Variants in FAT2 observed in about 807,000 individuals in gnomAD.
FAT2 encodes protocadherin Fat 2.
FAT2 carries 150 observed loss-of-function variants against 295.3 expected under a neutral mutation model. The observed-to-expected ratio is 0.51, with a 90% CI of 0.44 to 0.58. The LOEUF (loss-of-function observed/expected upper bound fraction) is 0.58. Among genes scored for constraint, FAT2 ranks in the 20% least tolerant of loss-of-function variants. The pLI is 0.00. For synonymous variants in FAT2, 2,026 were observed against 2,150.3 expected (o/e 0.94, Z 1.60); for missense variants, 4,868 against 5,442.7 (o/e 0.89, Z 3.32).
intron 20 of FAT2, among the ~76,000 whole-genome samples, chr5:151,513,186 A>G (rs1341854123): frequency 2.6e-5 from 4 of 152,268 alleles, no homozygotes; most frequent in South Asian, 2.1e-4. Flanking sequence ...GCTATCTTCT[A>G]TTAAGCCAGG....
rs368278070 is a variant in FAT2, at chr5:151,566,537, G to T, written c.2395C>A (p.Gln799Lys). The T allele has an allele frequency of 8.5e-5, 137 of 1,613,922 alleles. 1 individual carries two copies. The highest frequency in any genetic ancestry group is 8.2e-4 in the Middle Eastern group (5 of 6,084). Residue 799 changes from glutamine (Q) to lysine (K), a missense_variant, in exon 2 of 24, where the codon CAG (glutamine) becomes AAG (lysine). Coordinates refer to ENST00000261800, the MANE Select transcript of FAT2 (RefSeq NM_001447.3). ...NVTVYDLGTP[Q>K]KSSWKLLTVN... is the part of the protein sequence containing the mutation. The stretch of plus-strand genomic sequence containing the variant: ...GTCAGCAGCTTCCAGGAGGACTTCT[G>T]GGGTGTGCCCAGGTCATATACTGTT...
At chr5:151,520,385 G>T (rs902389648) in intron 19 of FAT2, among the ~76,000 whole-genome samples, 1 of 152,210 alleles carries the variant, frequency 6.6e-6, no homozygotes, top group African/African-American at 2.4e-5. Flanking sequence ...GCCTTCATTG[G>T]AAGCTGTACA....
chr5:151,554,962 A>G (rs1348332069), intron 4 of FAT2, among the ~76,000 whole-genome samples: 1 of 152,194 alleles, frequency 6.6e-6, no homozygotes, highest in Non-Finnish European at 1.5e-5. Flanking sequence ...CTCAGAGACT[A>G]CCTACTTTTT....
At chr5:151,513,278 A>G (rs1020758384) in intron 20 of FAT2, among the ~76,000 whole-genome samples, 3 of 152,264 alleles carry the variant, frequency 2.0e-5, no homozygotes, top group Admixed American at 6.5e-5. Flanking sequence ...ATAAAAATAT[A>G]TAAAGACATA....
intron 1 of FAT2, among the ~76,000 whole-genome samples, chr5:151,590,867 T>C (rs1759371548): frequency 6.6e-6 from 1 of 152,228 alleles, no homozygotes; most frequent in South Asian, 2.1e-4. Flanking sequence ...AGAATCCAAC[T>C]TTCCACGTGT....
At position 151,543,967 on chromosome 5, in the gene FAT2, T is replaced by C. The variant is rs773009222; in HGVS notation, c.7160A>G (p.Asn2387Ser). 39 of 1,613,994 alleles carry C rather than the reference T, an allele frequency of 2.4e-5. No individual in the cohort carries two copies. The highest frequency in any genetic ancestry group is 2.0e-4 in the Admixed American group (12 of 59,994). ...TCCACAGGTTGCCAGTTCACTGACA[T>C]TGGCTTCATATTGAGGTTGTCTGAA... ...PEFRQPQYEA[N>S]VSELATCGHL... The change falls in exon 10 of 24, where the codon AAT (asparagine) becomes AGT (serine). Residue 2387 changes from asparagine (N) to serine (S), a missense_variant. Coordinates refer to ENST00000261800, the MANE Select transcript of FAT2 (RefSeq NM_001447.3).
At chr5:151,509,995 T>A in intron 22 of FAT2, 26 bp downstream of exon 22, 1 of 1,609,896 alleles carries the variant, frequency 6.2e-7, no homozygotes, top group Non-Finnish European at 8.5e-7. Context: ...AAGGAGCCCA[T>A]GGCAGGTGGC....
chr5:151,581,676 T>G (rs1301832697), intron 1 of FAT2, among the ~76,000 whole-genome samples: 1 of 152,214 alleles, frequency 6.6e-6, no homozygotes, highest in African/African-American at 2.4e-5. Flanking sequence ...TAACTGAGAC[T>G]CAGAGAGGTT....
intron 9 of FAT2, among the ~76,000 whole-genome samples, chr5:151,546,707 AC>A (rs1561856888): frequency 6.6e-6 from 1 of 151,658 alleles, no homozygotes; most frequent in Non-Finnish European, 1.5e-5. Flanking sequence ...AGAATTTTTA[AC>A]CATCTTTTGT....
At chr5:151,570,505 C>G (rs1383458438) in intron 1 of FAT2, among the ~76,000 whole-genome samples, 1 of 152,228 alleles carries the variant, frequency 6.6e-6, no homozygotes, top group East Asian at 1.9e-4. Flanking sequence ...CTTCGCCTCT[C>G]TTAGACCCTT....
chr5:151,531,799 G>A lies in FAT2; in HGVS notation c.9599C>T (p.Thr3200Met), dbSNP rs1416807728. ...CACCGAGACTGTGACGGTGCCCAGC[G>A]TGGACAGCGGTATTGGGGTGCCCAG... is the stretch of plus-strand genomic sequence containing the variant. ...SDLGTPIPLS[T>M]LGTVTVSVVG... is the part of the protein sequence containing the mutation. Residue 3200 changes from threonine (T) to methionine (M), a missense_variant, in exon 14 of 24, where the codon ACG becomes ATG. By Grantham distance (81) the Thr-to-Met change is moderately conservative. This residue lies in a region of FAT2 where 1,046 missense variants were observed against 1,210.1 expected (regional missense o/e 0.86). Coordinates refer to ENST00000261800, the MANE Select transcript of FAT2 (RefSeq NM_001447.3). This position sits in a 1 kb window ranked among gnomAD's most constrained non-coding sequence, Gnocchi z 5.7. 1.2e-6 allele frequency: 2 copies of A among 1,613,190 alleles called. No homozygotes were observed. The highest frequency in any genetic ancestry group is 2.7e-5 in the African/African-American group (2 of 75,044).
chr5:151,553,328 C>T lies in FAT2; in HGVS notation c.4005G>A (p.Glu1335=), dbSNP rs373732808. The change falls in exon 6 of 24, where the codon GAG becomes GAA. Residue 1335 remains glutamate (E), a synonymous_variant. Transcript: ENST00000261800. Reference sequence around the variant, plus strand: ...AGGACGGCCGGGGCCAAGGGATCCACTCAATGTGTAGCCGGACACTGGCTG... The same window carrying T: ...AGGACGGCCGGGGCCAAGGGATCCATTCAATGTGTAGCCGGACACTGGCTG... ...PLSASVRLHI[E]WIPWPRPSSI... 13 of 1,614,272 alleles carry T rather than the reference C, an allele frequency of 8.1e-6. No individual in the cohort carries two copies. Among genetic ancestry groups the T allele is most frequent in the Non-Finnish European group, 1.1e-5 (13 of 1,180,052 alleles).
intron 13 of FAT2, among the ~76,000 whole-genome samples, 175 bp downstream of exon 13, chr5:151,534,234 A>C (rs565686212): frequency 3.9e-5 from 6 of 152,236 alleles, no homozygotes; most frequent in Non-Finnish European, 7.3e-5. Flanking sequence ...ATCATTTGTC[A>C]TATAGCACTT....
rs1317028373 is a variant in FAT2, at chr5:151,528,249, G to T, written c.10027-116C>A. ...ACTGCCTTTGGGCTAGCAGTGCCTG[G>T]ATCACAGTTGTCCCTGCCAAAGTAA... On this transcript the variant is annotated intron_variant, in intron 15 of 23. Transcript: ENST00000261800. 6 of 1,249,458 alleles carry T rather than the reference G, an allele frequency of 4.8e-6. No homozygotes were observed. In the East Asian group the frequency reaches 9.5e-5, roughly 20 times the overall value. The allele number at this position is 1,249,458 out of a possible 1,614,324, so 77.4% of individuals were successfully genotyped here.
intron 1 of FAT2, among the ~76,000 whole-genome samples, chr5:151,587,249 T>G (rs1317914988): frequency 2.6e-5 from 4 of 152,202 alleles, no homozygotes; most frequent in Middle Eastern, 3.2e-3. Context: ...CTTCTGTGTA[T>G]GTCTATAATT....
upstream of FAT2, among the ~76,000 whole-genome samples, chr5:151,593,373 G>T (rs1024017521): frequency 1.3e-5 from 2 of 152,200 alleles, no homozygotes; most frequent in Admixed American, 6.5e-5. Flanking sequence ...GCAGGAGGGG[G>T]AGATGGGTAT....
chr5:151,528,228 C>T, intron 15 of FAT2, 95 bp from the exon 16 acceptor site: 1 of 1,472,616 alleles, frequency 6.8e-7, no homozygotes, highest in Non-Finnish European at 9.3e-7. Flanking sequence ...CCAGTGACTG[C>T]CTTTGGGCTA....
At position 151,526,664 on chromosome 5, in the gene FAT2, A is replaced by G. The variant is rs190158800; in HGVS notation, c.10308+570T>C. On this transcript the variant is annotated intron_variant, in intron 17 of 23. Transcript: ENST00000261800. ...ATTCTCAGAAAAGATATTTTTAGTC[A>G]GGTAACTTATTATTTGCAGCCAAAG... Among the ~76,000 whole-genome samples, 129 of 152,326 alleles carry G rather than the reference A, an allele frequency of 8.5e-4. 3 individuals carry two copies. Among genetic ancestry groups the G allele is most frequent in the Non-Finnish European group, 1.4e-3 (96 of 68,030 alleles).
chr5:151,581,171 A>G (rs950541532), intron 1 of FAT2, among the ~76,000 whole-genome samples: 1 of 152,210 alleles, frequency 6.6e-6, no homozygotes, highest in Admixed American at 6.5e-5. Flanking sequence ...TGAGCAAATC[A>G]TGGGACCTGA....
Sources: allele counts gnomAD v4.1 joint callset (sites outside exome capture counted in the v4.1 genomes callset), GRCh38; gene constraint gnomAD v4.1.1; regional missense constraint gnomAD v4.1.1; non-coding constraint Gnocchi (gnomAD v3.1); transcripts MANE v1.5; gene names NCBI Gene and HGNC (gene_info 2026-07-23, HGNC 2026-07-21).